Variants in CTNNA2 observed in about 807,000 individuals in gnomAD.
CTNNA2 encodes the protein catenin alpha-2.
CTNNA2 carries 42 observed loss-of-function variants against 101.0 expected under a neutral mutation model. The observed-to-expected ratio is 0.42, with a 90% CI of 0.32 to 0.54. The LOEUF (loss-of-function observed/expected upper bound fraction) is 0.54, where lower values mean the gene tolerates loss of function less well. CTNNA2 is among the 20% of genes least tolerant of loss of function. CTNNA2 has a pLI of 0.14. For synonymous variants in CTNNA2, 450 were observed against 456.4 expected (o/e 0.99, Z 0.18); for missense variants, 871 against 1,223.1 (o/e 0.71, Z 4.29).
chr2:80,545,732 A>T, intron 10 of CTNNA2, among the ~76,000 whole-genome samples, 175 bp from the exon 11 acceptor site: 1 of 152,164 alleles, frequency 6.6e-6, no homozygotes, highest in Non-Finnish European at 1.5e-5. Context: ...AACAAAAATT[A>T]ATGGTAGTTG....
intron 7 of CTNNA2, among the ~76,000 whole-genome samples, chr2:80,235,661 G>T (rs1709511886): frequency 2.0e-5 from 3 of 152,168 alleles, no homozygotes; most frequent in African/African-American, 7.2e-5. Context: ...ACCCAGAGGA[G>T]CCCTGCCCCC....
chr2:79,666,897 C>G (rs1682458390), intron 2 of CTNNA2, among the ~76,000 whole-genome samples: 1 of 152,148 alleles, frequency 6.6e-6, no homozygotes, highest in Non-Finnish European at 1.5e-5. Flanking sequence ...ATGGCCACCT[C>G]TCAAGCATGG....
chr2:80,104,476 C>G (rs558492120), intron 7 of CTNNA2, among the ~76,000 whole-genome samples: 1 of 152,238 alleles, frequency 6.6e-6, no homozygotes, highest in Non-Finnish European at 1.5e-5. Context: ...CAGCCAAGAA[C>G]GCTAAAAAAA....
At chr2:79,696,245 T>A (rs912140795) in intron 2 of CTNNA2, among the ~76,000 whole-genome samples, 4 of 152,102 alleles carry the variant, frequency 2.6e-5, no homozygotes, top group African/African-American at 9.6e-5. Context: ...ATTTGCTGTA[T>A]AAAACATAAG....
chr2:80,483,470 A>C (rs777006362), intron 9 of CTNNA2, among the ~76,000 whole-genome samples: 1 of 151,712 alleles, frequency 6.6e-6, no homozygotes, highest in Non-Finnish European at 1.5e-5. Context: ...TGAGATTTTA[A>C]TTACATGATT....
chr2:79,439,492 G>A (rs1361681724), intron 4 of CTNNA2, among the ~76,000 whole-genome samples: 1 of 152,194 alleles, frequency 6.6e-6, no homozygotes, highest in African/African-American at 2.4e-5. Flanking sequence ...AAATTAGATA[G>A]TGGTGGTGGT....
intron 7 of CTNNA2, among the ~76,000 whole-genome samples, chr2:80,204,824 T>TC (rs1707429598): frequency 7.5e-6 from 1 of 133,260 alleles, no homozygotes; most frequent in South Asian, 2.6e-4. Flanking sequence ...CTGGGCAATT[T>TC]CCAAAAAAAA....
intron 9 of CTNNA2, among the ~76,000 whole-genome samples, chr2:80,536,326 T>G (rs1251141305): frequency 6.6e-6 from 1 of 152,204 alleles, no homozygotes; most frequent in African/African-American, 2.4e-5. Flanking sequence ...CATGACTGAC[T>G]ATAAATTCAA....
intron 12 of CTNNA2, among the ~76,000 whole-genome samples, chr2:80,559,996 A>G (rs1262165246): frequency 2.0e-5 from 3 of 149,738 alleles, no homozygotes; most frequent in Non-Finnish European, 3.0e-5. Context: ...GAGCGTGACT[A>G]GGTTAAAAGA....
chr2:80,084,618 T>C (rs1468362281), intron 7 of CTNNA2, among the ~76,000 whole-genome samples: 1 of 152,098 alleles, frequency 6.6e-6, no homozygotes, highest in Admixed American at 6.6e-5. Context: ...AAAGCAAATT[T>C]CTGGAGAAAT....
At chr2:80,545,204 G>T in intron 10 of CTNNA2, 130 bp downstream of exon 10, 1 of 821,860 alleles carries the variant, frequency 1.2e-6, no homozygotes, top group South Asian at 1.8e-5. Flanking sequence ...GCTGTTTCAA[G>T]TTCTACCTTT....
intron 7 of CTNNA2, among the ~76,000 whole-genome samples, chr2:80,187,744 A>T (rs1299910994): frequency 6.6e-6 from 1 of 152,088 alleles, no homozygotes; most frequent in African/African-American, 2.4e-5. Flanking sequence ...AGTGAGAATG[A>T]TGCTTATAGT....
chr2:79,417,944 C>T (rs1274220497), intron 4 of CTNNA2, among the ~76,000 whole-genome samples: 3 of 151,972 alleles, frequency 2.0e-5, no homozygotes, highest in Admixed American at 6.6e-5. Context: ...GGCCATACCA[C>T]GTGGGAAATG....
In CTNNA2 at chr2:79,885,206, G is replaced by A. The variant is rs142889170; in HGVS notation, c.852+10864G>A. 4.6e-5 allele frequency among the ~76,000 whole-genome samples: 7 copies of A among 152,024 alleles called. No homozygotes were observed. In the East Asian group the frequency reaches 7.8e-4, roughly 17 times the overall value. On this transcript the variant is annotated intron_variant, in intron 6 of 18. Coordinates refer to ENST00000402739, the MANE Select transcript of CTNNA2 (RefSeq NM_001282597.3). ...GTGCATTTTCAGTGGAGAACGAAAC[G>A]CTGTATAGGTAAGTCAGAGGCCCAA...
intron 9 of CTNNA2, among the ~76,000 whole-genome samples, chr2:80,519,081 G>C (rs1157990476): frequency 6.6e-6 from 1 of 152,078 alleles, no homozygotes; most frequent in African/African-American, 2.4e-5. Context: ...AGCTTGATTT[G>C]ATAAGGGAAT....
chr2:79,831,010 TG>T (rs1237591017), intron 3 of CTNNA2, among the ~76,000 whole-genome samples: 1 of 152,188 alleles, frequency 6.6e-6, no homozygotes, highest in Non-Finnish European at 1.5e-5. Flanking sequence ...ATTACAAATA[TG>T]ACATTGCCAT....
At chr2:80,489,682 T>C (rs114803413) in intron 9 of CTNNA2, among the ~76,000 whole-genome samples, 10 of 152,336 alleles carry the variant, frequency 6.6e-5, no homozygotes, top group Non-Finnish European at 1.5e-4. Flanking sequence ...TAGGAGGAAA[T>C]AAAACTATCT....
At chr2:79,948,378 A>C (rs1428334432) in intron 7 of CTNNA2, among the ~76,000 whole-genome samples, 2 of 152,224 alleles carry the variant, frequency 1.3e-5, no homozygotes, top group Admixed American at 6.5e-5. Context: ...CGTCATTATG[A>C]TGGCAGTATA....
At chr2:79,955,622 A>T (rs1340101224) in intron 7 of CTNNA2, among the ~76,000 whole-genome samples, 3 of 152,202 alleles carry the variant, frequency 2.0e-5, no homozygotes, top group Non-Finnish European at 4.4e-5. Flanking sequence ...GTGCAACCAC[A>T]GCCTTGACCT....
Sources: allele counts gnomAD v4.1 joint callset (sites outside exome capture counted in the v4.1 genomes callset), GRCh38; gene constraint gnomAD v4.1.1; transcripts MANE v1.5; gene names NCBI Gene and HGNC (gene_info 2026-07-23, HGNC 2026-07-21).